Variants in PDZRN3 observed in about 807,000 individuals in gnomAD.
The protein encoded by PDZRN3 is E3 ubiquitin-protein ligase PDZRN3.
PDZRN3 carries 38 observed loss-of-function variants against 85.7 expected under a neutral mutation model. The ratio of observed to expected loss-of-function variants is 0.44; its 90% CI spans 0.34 to 0.58. The LOEUF is 0.58. Ranked by LOEUF, PDZRN3 falls within the 20% of genes least tolerant of loss-of-function variation. PDZRN3 has a pLI of 0.01. For missense variants in PDZRN3, 1,629 were observed against 1,506.4 expected (o/e 1.08, Z -1.35); for synonymous variants, 759 against 638.0 (o/e 1.19, Z -2.86).
chr3:73,624,643 C>G lies in PDZRN3; in HGVS notation c.183G>C (p.Ser61=). The change falls in exon 1 of 10, where the codon TCG becomes TCC. Residue 61 remains serine, a synonymous_variant. Transcript: ENST00000263666. ...GCAGGACGTGGTTGAGCTCTTTGGC[C>G]GACAGGCGACCGCGGCAGCGCGCCG... is the stretch of plus-strand genomic sequence containing the variant. ...SCPARCRGRL[S]AKELNHVLPL... is the part of the protein sequence containing the mutation. 6.5e-7 allele frequency: 1 copy of G among 1,548,658 alleles called. No homozygotes were observed. Among genetic ancestry groups the G allele is most frequent in the Non-Finnish European group, 8.7e-7 (1 of 1,151,132 alleles).
intron 3 of PDZRN3, among the ~76,000 whole-genome samples, chr3:73,483,676 C>G (rs967122551): frequency 6.6e-6 from 1 of 152,208 alleles, no homozygotes; most frequent in Non-Finnish European, 1.5e-5. Context: ...ACAACCCAAT[C>G]AGTGAACAGG....
intron 3 of PDZRN3, among the ~76,000 whole-genome samples, chr3:73,473,277 C>A (rs1055069862): frequency 2.0e-5 from 3 of 151,880 alleles, no homozygotes; most frequent in Non-Finnish European, 4.4e-5. Context: ...AATGACAGGG[C>A]CAATATTTGG....
rs184928368 is a variant in PDZRN3 at position 73,585,707 on chromosome 3, G to A, written c.918+16647C>T. Among the ~76,000 whole-genome samples the A allele has an allele frequency of 2.6e-5, 4 of 152,272 alleles. No individual in the cohort carries two copies. The East Asian group carries it at 5.8e-4, about 22-fold the overall frequency. ...CAACAACAGTGACTAAACTTCCATC[G>A]AAGAAATGGCACACTCAAAATAGGT... On this transcript the variant is annotated intron_variant, in intron 3 of 9. Coordinates refer to ENST00000263666, the MANE Select transcript of PDZRN3 (RefSeq NM_015009.3).
chr3:73,462,525 C>T (rs185637575), intron 3 of PDZRN3, among the ~76,000 whole-genome samples: 1,289 of 115,468 alleles, frequency 0.011, 16 homozygotes, highest in Non-Finnish European at 0.017. Flanking sequence ...GCTTGGGCAA[C>T]AGGTGAGACT....
chr3:73,438,631 ACCTG>A lies in PDZRN3; in HGVS notation c.919-34240_919-34237del, dbSNP rs536324653. Among the ~76,000 whole-genome samples, 544 of 152,302 alleles carry A rather than the reference ACCTG, an allele frequency of 3.6e-3. 2 individuals carry two copies. Among genetic ancestry groups the A allele is most frequent in the Non-Finnish European group, 6.2e-3 (424 of 68,024 alleles). ...ATTCTTCCTCTCTCAAATCTCTCAG[ACCTG>A]CCCGCTGGCTCTTCTTTCCTGGGGA... On this transcript the variant is annotated intron_variant, in intron 3 of 9. Coordinates refer to ENST00000263666, the MANE Select transcript of PDZRN3 (RefSeq NM_015009.3).
chr3:73,603,223 G>A (rs557056386), intron 2 of PDZRN3, among the ~76,000 whole-genome samples: 3 of 152,180 alleles, frequency 2.0e-5, no homozygotes, highest in South Asian at 2.1e-4. Flanking sequence ...TTTTTGTTCC[G>A]ATGCACTACC....
intron 3 of PDZRN3, among the ~76,000 whole-genome samples, chr3:73,568,896 C>A (rs905294617): frequency 6.6e-6 from 1 of 152,176 alleles, no homozygotes; most frequent in South Asian, 2.1e-4. Context: ...ATTTGATTCA[C>A]GGAAGCCAGA....
intron 3 of PDZRN3, among the ~76,000 whole-genome samples, chr3:73,554,962 C>T (rs994596425): frequency 6.6e-5 from 10 of 152,154 alleles, no homozygotes; most frequent in African/African-American, 2.4e-4. Context: ...GAGCCCAAGC[C>T]CTCAGTGGCA....
intron 2 of PDZRN3, among the ~76,000 whole-genome samples, chr3:73,605,706 C>A (rs1367343473): frequency 1.3e-5 from 2 of 152,156 alleles, no homozygotes; most frequent in Non-Finnish European, 2.9e-5. Context: ...CAATGACCTG[C>A]CAGATTTTCC....
intron 3 of PDZRN3, among the ~76,000 whole-genome samples, chr3:73,558,720 T>C (rs1205158330): frequency 6.6e-6 from 1 of 152,232 alleles, no homozygotes; most frequent in African/African-American, 2.4e-5. Flanking sequence ...CTCTATTCCT[T>C]GCAAATGCAA....
intron 3 of PDZRN3, among the ~76,000 whole-genome samples, chr3:73,587,750 A>C (rs1371534725): frequency 6.6e-6 from 1 of 152,152 alleles, no homozygotes; most frequent in African/African-American, 2.4e-5. Context: ...GGCATGCTGA[A>C]GTCAGGGAGC....
intron 3 of PDZRN3, among the ~76,000 whole-genome samples, chr3:73,491,191 T>C (rs1029542126): frequency 1.3e-5 from 2 of 152,222 alleles, no homozygotes; most frequent in Admixed American, 1.3e-4. Flanking sequence ...ATCGGTGAAG[T>C]TCTCTCTGGG....
At chr3:73,539,697 A>C (rs1013621843) in intron 3 of PDZRN3, among the ~76,000 whole-genome samples, 2 of 152,120 alleles carry the variant, frequency 1.3e-5, no homozygotes, top group African/African-American at 2.4e-5. Flanking sequence ...GACCAGCAGA[A>C]AATTCTTATG....
chr3:73,448,421 T>G (rs375913762), intron 3 of PDZRN3, among the ~76,000 whole-genome samples: 1 of 152,236 alleles, frequency 6.6e-6, no homozygotes, highest in African/African-American at 2.4e-5. Flanking sequence ...GGGATGATGC[T>G]GAACCCTAGT....
At chr3:73,605,414 T>C (rs1702585227) in intron 2 of PDZRN3, among the ~76,000 whole-genome samples, 1 of 152,204 alleles carries the variant, frequency 6.6e-6, no homozygotes. Flanking sequence ...TAAAGTACAC[T>C]TCCCAAAGGC....
chr3:73,493,036 T>C (rs1344866802), intron 3 of PDZRN3, among the ~76,000 whole-genome samples: 5 of 133,004 alleles, frequency 3.8e-5, no homozygotes, highest in Admixed American at 9.2e-5. Flanking sequence ...TCTTCCCTTA[T>C]GTGAAATTTT....
chr3:73,539,671 G>A (rs746014306), intron 3 of PDZRN3, among the ~76,000 whole-genome samples: 5 of 152,074 alleles, frequency 3.3e-5, no homozygotes, highest in Non-Finnish European at 5.9e-5. Flanking sequence ...GCTAGGACAC[G>A]AGCAAGTCCG....
At chr3:73,410,958 T>C (rs949063466) in intron 3 of PDZRN3, among the ~76,000 whole-genome samples, 28 of 152,212 alleles carry the variant, frequency 1.8e-4, no homozygotes, top group African/African-American at 6.5e-4. Flanking sequence ...CCAGATATTA[T>C]AGGAAAGCCA....
intron 3 of PDZRN3, among the ~76,000 whole-genome samples, chr3:73,534,877 T>C (rs559570401): frequency 9.8e-5 from 15 of 152,330 alleles, no homozygotes; most frequent in African/African-American, 3.4e-4. Context: ...AAGGACAGCA[T>C]TGAGCAAGTC....
Sources: allele counts gnomAD v4.1 joint callset (sites outside exome capture counted in the v4.1 genomes callset), GRCh38; gene constraint gnomAD v4.1.1; transcripts MANE v1.5; gene names NCBI Gene and HGNC (gene_info 2026-07-23, HGNC 2026-07-21).